The following RFTN1 variants were observed in gnomAD, a reference collection of about 807,000 sequenced individuals.
RFTN1 encodes raftlin, lipid raft linker 1.
Under a neutral mutation model 46.5 loss-of-function variants are expected in RFTN1, and 26 were observed. The observed-to-expected ratio is 0.56, with a 90% CI of 0.41 to 0.78. The LOEUF is 0.78. Ranked by LOEUF, RFTN1 falls within the 30% of genes least tolerant of loss-of-function variation. The pLI is 0.00. For synonymous variants in RFTN1, 261 were observed against 284.2 expected, an observed-to-expected ratio of 0.92 and a Z score of 0.82; for missense variants, 693 against 718.7, an observed-to-expected ratio of 0.96 and a Z score of 0.41.
At position 16,480,068 on chromosome 3, in the gene RFTN1, A is replaced by T. The variant is rs544380718; in HGVS notation, c.145+13657T>A. Among the ~76,000 whole-genome samples the T allele has an allele frequency of 6.6e-6, 1 of 152,366 alleles. No homozygotes were observed. Among genetic ancestry groups the T allele is most frequent in the Admixed American group, 6.5e-5 (1 of 15,306 alleles). On this transcript the variant is annotated intron_variant, in intron 2 of 9. Transcript: ENST00000334133. This position sits in a 1 kb window ranked among gnomAD's most constrained non-coding sequence, Gnocchi z 4.3. ...ACCTTACTATCTTGTTCACCATTGC[A>T]TGCTCAATACAGAGCCTGAAAAAGA...
chr3:16,329,070 G>C lies in RFTN1; in HGVS notation c.1147-2194C>G, dbSNP rs551103543. The stretch of plus-strand genomic sequence containing the variant: ...TGGTGAGGCCTGGTGGGAGTGTTTA[G>C]GTCAGAAGGGCTCCACTCTTGTGAA... On this transcript the variant is annotated intron_variant, in intron 7 of 9. Transcript: ENST00000334133. This position sits in a 1 kb window ranked among gnomAD's most constrained non-coding sequence, Gnocchi z 4.5. Among the ~76,000 whole-genome samples the C allele has an allele frequency of 6.6e-6, 1 of 152,316 alleles. No homozygotes were observed. The highest frequency in any genetic ancestry group is 2.1e-4 in the South Asian group (1 of 4,824).
chr3:16,393,074 AC>A (rs370102670), intron 4 of RFTN1, among the ~76,000 whole-genome samples: 96,358 of 151,500 alleles, frequency 0.64, 32,061 homozygotes, highest in African/African-American at 0.85. Flanking sequence ...AAACAAACAA[AC>A]AAAAAATGAC....
At position 16,352,963 on chromosome 3, in the gene RFTN1, C is replaced by T. The variant is rs946173107; in HGVS notation, c.1146+4969G>A. 7.2e-5 allele frequency among the ~76,000 whole-genome samples: 11 copies of T among 151,964 alleles called. No individual in the cohort carries two copies. Among genetic ancestry groups the T allele is most frequent in the African/African-American group, 2.2e-4 (9 of 41,344 alleles). On this transcript the variant is annotated intron_variant, in intron 7 of 9. Coordinates refer to ENST00000334133, the MANE Select transcript of RFTN1 (RefSeq NM_015150.2). This position sits in a 1 kb window ranked among gnomAD's most constrained non-coding sequence, Gnocchi z 4.6. ...CACTACATTTTCGTGTGTCCATGCA[C>T]GTGAAGAGAGAGGGAAGCCAGCGAG...
chr3:16,368,677 C>CAA (rs60375407), intron 6 of RFTN1, among the ~76,000 whole-genome samples: 21 of 102,314 alleles, frequency 2.1e-4, no homozygotes, highest in African/African-American at 7.5e-4. Context: ...AGACTCTGTC[C>CAA]AAAAAAAAAA....
intron 5 of RFTN1, among the ~76,000 whole-genome samples, 189 bp downstream of exon 5, chr3:16,377,529 A>T (rs76696371): frequency 0.025 from 3,821 of 152,312 alleles, 172 homozygotes; most frequent in African/African-American, 0.087. Context: ...ACTCCCCAGA[A>T]GTCATAACTT....
rs10560544 is a variant in RFTN1, at chr3:16,465,419, GACACACAC to G, written c.145+28298_145+28305del. ...CCAACAGAGGTTGGCAGCTCAGAGG[GACACACAC>G]ACACACACACACACACACACACACA... On this transcript the variant is annotated intron_variant, in intron 2 of 9. Coordinates refer to ENST00000334133, the MANE Select transcript of RFTN1 (RefSeq NM_015150.2). This position sits in a 1 kb window ranked among gnomAD's most constrained non-coding sequence, Gnocchi z 5.1. Among the ~76,000 whole-genome samples, 19 of 143,402 alleles carry G rather than the reference GACACACAC, an allele frequency of 1.3e-4. No homozygotes were observed. Among genetic ancestry groups the G allele is most frequent in the Middle Eastern group, 7.1e-3 (2 of 282 alleles). The allele number at this position is 143,402 out of a possible 152,430, so 94.1% of individuals were successfully genotyped here.
intron 8 of RFTN1, among the ~76,000 whole-genome samples, chr3:16,323,846 C>G (rs556917883): frequency 6.6e-6 from 1 of 152,186 alleles, no homozygotes; most frequent in Non-Finnish European, 1.5e-5. Context: ...GTGATGAGCT[C>G]AGCCCTCCAG....
At chr3:16,372,214 G>A (rs2073541676) in intron 5 of RFTN1, among the ~76,000 whole-genome samples, 1 of 152,234 alleles carries the variant, frequency 6.6e-6, no homozygotes, top group Admixed American at 6.5e-5. Context: ...GATGATGCCA[G>A]TGAATGAGTG....
intron 7 of RFTN1, among the ~76,000 whole-genome samples, chr3:16,355,077 G>T (rs112806123): frequency 6.6e-6 from 1 of 152,012 alleles, no homozygotes; most frequent in South Asian, 2.1e-4. Context: ...GATAATTTCC[G>T]ATAAGTCTGA....
Position 16,376,826 on chromosome 3 carries a change from G to A in RFTN1, c.826+892C>T, listed in dbSNP as rs555396868. Among the ~76,000 whole-genome samples the A allele has an allele frequency of 6.6e-6, 1 of 152,224 alleles. No homozygotes were observed. The highest frequency in any genetic ancestry group is 2.1e-4 in the South Asian group (1 of 4,812). On this transcript the variant is annotated intron_variant, in intron 5 of 9. Coordinates refer to ENST00000334133, the MANE Select transcript of RFTN1 (RefSeq NM_015150.2). This position sits in a 1 kb window ranked among gnomAD's most constrained non-coding sequence, Gnocchi z 4.7. ...GTAACAAAAGAAACTGTTTCTCCTT[G>A]TTTTCCCTTCTGGAAGCACCACCTG...
intron 5 of RFTN1, among the ~76,000 whole-genome samples, chr3:16,373,658 G>A (rs1258611775): frequency 6.6e-6 from 1 of 152,220 alleles, no homozygotes; most frequent in African/African-American, 2.4e-5. Flanking sequence ...AGAAGAAAGA[G>A]TTTAGAGCCT....
intron 4 of RFTN1, among the ~76,000 whole-genome samples, chr3:16,395,466 G>C (rs1042459363): frequency 1.3e-5 from 2 of 151,348 alleles, no homozygotes; most frequent in Admixed American, 1.3e-4. Context: ...TTTTTAAAGA[G>C]ACAGGGTATC....
rs2076334687 is a variant in RFTN1, at chr3:16,479,676, A to T, written c.145+14049T>A. ...TTGATGCATCTATTAAGGCCTTAAA[A>T]GTTCAGCCTGTTGGCATCAGCAGCC... On this transcript the variant is annotated intron_variant, in intron 2 of 9. Coordinates refer to ENST00000334133, the MANE Select transcript of RFTN1 (RefSeq NM_015150.2). The surrounding 1 kb of genome is among the most constrained non-coding windows in gnomAD (Gnocchi z 5.1). 2.0e-5 allele frequency among the ~76,000 whole-genome samples: 3 copies of T among 152,216 alleles called. No individual in the cohort carries two copies. The highest frequency in any genetic ancestry group is 2.4e-5 in the African/African-American group (1 of 41,466).
rs2075436583 is a variant in RFTN1, at chr3:16,433,540, A to T, written c.332+311T>A. On this transcript the variant is annotated intron_variant, in intron 3 of 9. Transcript: ENST00000334133. This position sits in a 1 kb window ranked among gnomAD's most constrained non-coding sequence, Gnocchi z 4.4. ...AAAGTATTGCACTTTTACTAGCCACATCATTCTGGGCATATGCTTCTTCTG... is the reference window on the plus strand; with the variant it reads ...AAAGTATTGCACTTTTACTAGCCACTTCATTCTGGGCATATGCTTCTTCTG... Among the ~76,000 whole-genome samples the T allele has an allele frequency of 6.6e-6, 1 of 152,214 alleles. No individual in the cohort carries two copies. Among genetic ancestry groups the T allele is most frequent in the African/African-American group, 2.4e-5 (1 of 41,452 alleles).
At position 16,316,642 on chromosome 3, in the gene RFTN1, T is replaced by A. The variant is rs1275448139; in HGVS notation, c.*186A>T. ...TCATTAATGACACCTTTCCAGTGGA[T>A]GTGCAAAAACCAACACTGTCAGGAA... On this transcript the variant is annotated 3_prime_UTR_variant, in exon 10 of 10. Coordinates refer to ENST00000334133, the MANE Select transcript of RFTN1 (RefSeq NM_015150.2). This position sits in a 1 kb window ranked among gnomAD's most constrained non-coding sequence, Gnocchi z 4.5. 61 of 689,812 alleles carry A rather than the reference T, an allele frequency of 8.8e-5. No individual in the cohort carries two copies. Among genetic ancestry groups the A allele is most frequent in the Non-Finnish European group, 7.4e-5 (29 of 391,888 alleles). 42.7% of individuals were successfully genotyped at this position (689,812 alleles called of 1,614,324 possible). A position where few individuals can be genotyped will look rare whatever the true frequency, so the allele number is the denominator to read the frequency against.
chr3:16,369,076 C>T (rs532182818), intron 6 of RFTN1, among the ~76,000 whole-genome samples: 3 of 152,322 alleles, frequency 2.0e-5, no homozygotes, highest in African/African-American at 7.2e-5. Flanking sequence ...GATAGAGACT[C>T]GCATCCAAAA....
In RFTN1 at chr3:16,409,475, T is replaced by C; in HGVS notation, c.341A>G (p.Lys114Arg). ...ILIKKTDRSQKTDLHNEGYIL... is the reference protein window; with the variant it reads ...ILIKKTDRSQRTDLHNEGYIL... The stretch of plus-strand genomic sequence containing the variant: ...GTAGCCTTCATTGTGAAGATCAGTT[T>C]TCTGAGATCTGAAGAGAAAGAAAAG... The change falls in exon 4 of 10, where the codon AAA becomes AGA. Residue 114 changes from lysine to arginine, a missense_variant. By Grantham distance (26) the Lys-to-Arg change is conservative. Coordinates refer to ENST00000334133, the MANE Select transcript of RFTN1 (RefSeq NM_015150.2). 1.2e-6 allele frequency: 2 copies of C among 1,606,822 alleles called. No individual in the cohort carries two copies. Among genetic ancestry groups the C allele is most frequent in the Non-Finnish European group, 1.7e-6 (2 of 1,173,536 alleles).
At chr3:16,408,774 AG>A (rs913956780) in intron 4 of RFTN1, among the ~76,000 whole-genome samples, 2 of 148,714 alleles carry the variant, frequency 1.3e-5, no homozygotes, top group African/African-American at 4.9e-5. Context: ...GTCGATTACT[AG>A]GGAACACTGG....
chr3:16,478,755 AGG>A (rs766065124), intron 2 of RFTN1, among the ~76,000 whole-genome samples: 15 of 152,172 alleles, frequency 9.9e-5, no homozygotes, highest in Non-Finnish European at 1.5e-4. Flanking sequence ...CACTTTCCCC[AGG>A]GCTATTGGGC....
Sources: allele counts gnomAD v4.1 joint callset (sites outside exome capture counted in the v4.1 genomes callset), GRCh38; gene constraint gnomAD v4.1.1; non-coding constraint Gnocchi (gnomAD v3.1); transcripts MANE v1.5; gene names NCBI Gene and HGNC (gene_info 2026-07-23, HGNC 2026-07-21).